AKT1: variants seen among roughly 807,000 people sequenced by gnomAD.
The protein encoded by AKT1 is RAC-alpha serine/threonine-protein kinase.
A neutral mutation model predicts 63.1 loss-of-function variants in AKT1; 21 were observed. That is an observed-to-expected ratio of 0.33 (90% CI 0.24 to 0.48). AKT1 has a LOEUF of 0.48. Ranked by LOEUF, AKT1 falls within the 20% of genes least tolerant of loss-of-function variation. AKT1 has a pLI of 0.99. For synonymous variants in AKT1, 257 were observed against 253.1 expected, an observed-to-expected ratio of 1.02 and a Z score of -0.15; for missense variants, 382 against 666.0, an observed-to-expected ratio of 0.57 and a Z score of 4.69.
chr14:104,775,441 C>A (rs1892646884), intron 6 of AKT1: 1 of 1,073,744 alleles, frequency 9.3e-7, no homozygotes, highest in Non-Finnish European at 1.3e-6. Flanking sequence ...ATTGCCCAAG[C>A]CTGGCAGGGC....
At chr14:104,788,844 G>C (rs1893473522) in intron 3 of AKT1, among the ~76,000 whole-genome samples, 1 of 152,180 alleles carries the variant, frequency 6.6e-6, no homozygotes, top group South Asian at 2.1e-4. Context: ...CCTGGACTGG[G>C]GGGTCTATGC....
At chr14:104,783,396 G>T (rs1893168892) in intron 3 of AKT1, among the ~76,000 whole-genome samples, 1 of 152,198 alleles carries the variant, frequency 6.6e-6, no homozygotes, top group South Asian at 2.1e-4. Flanking sequence ...TGGGGGAACT[G>T]GAACCAGGCA....
chr14:104,776,797 C>T (rs754851924), intron 4 of AKT1, 27 bp from the exon 5 acceptor site: 45 of 1,598,380 alleles, frequency 2.8e-5, no homozygotes, highest in South Asian at 6.6e-5. Flanking sequence ...CCTCTGTCTG[C>T]GTGCATCCCC....
intron 3 of AKT1, among the ~76,000 whole-genome samples, chr14:104,789,949 A>C (rs1454218873): frequency 6.6e-6 from 1 of 152,196 alleles, no homozygotes; most frequent in Admixed American, 6.5e-5. Context: ...GACTCAGAGC[A>C]CACACATCAG....
At chr14:104,791,103 G>A (rs1893605344) in intron 3 of AKT1, among the ~76,000 whole-genome samples, 1 of 152,136 alleles carries the variant, frequency 6.6e-6, no homozygotes, top group South Asian at 2.1e-4. Flanking sequence ...CCAGTAACTG[G>A]GGCCTGGGCC....
chr14:104,773,698 G>C (rs561463952), intron 9 of AKT1, 118 bp from the exon 10 acceptor site: 1 of 1,431,328 alleles, frequency 7.0e-7, no homozygotes, highest in South Asian at 1.4e-5. Flanking sequence ...CCAGCCACCA[G>C]AGGGCACGGG....
rs2140931148 is a variant in AKT1 at position 104,776,762 on chromosome 14, G to C, written c.184C>G (p.Leu62Val). 1 of 1,612,832 alleles carries C rather than the reference G, an allele frequency of 6.2e-7. No individual in the cohort carries two copies. The highest frequency in any genetic ancestry group is 8.5e-7 in the Non-Finnish European group (1 of 1,179,734). ...LNNFSVAQCQ[L>V]MKTERPRPNT... ...GGCCGGGGCCGCTCCGTCTTCATCA[G>C]CTGGCACTCTGCGGGCAGGCAGAGC... Residue 62 changes from leucine (L) to valine (V), a missense_variant, in exon 5 of 15, where the codon CTG becomes GTG. Leu to Val is a conservative substitution (Grantham distance 32). This residue lies in a region of AKT1 where 226 missense variants were observed against 366.4 expected (regional missense o/e 0.62). Transcript: ENST00000649815.
chr14:104,775,870 C>A, intron 5 of AKT1, 71 bp from the exon 6 acceptor site: 1 of 1,543,370 alleles, frequency 6.5e-7, no homozygotes, highest in Non-Finnish European at 8.7e-7. Context: ...TTCACCCACC[C>A]GCCAGCCTCA....
At chr14:104,774,781 G>T in intron 8 of AKT1, 157 bp downstream of exon 8, 3 of 820,472 alleles carry the variant, frequency 3.7e-6, no homozygotes, top group Non-Finnish European at 5.6e-6. Flanking sequence ...CACCTCCACA[G>T]CCTGACCCTC....
rs760365810 is a variant in AKT1 at position 104,772,360 on chromosome 14, C to T, written c.1260+5G>A. ...TGCGCGTGAATATGCGGGGAGCAGC[C>T]GCACCTTCTTCTCGTACACGTGCTG... On this transcript the variant is annotated splice_donor_5th_base_variant and intron_variant, in intron 13 of 14. Coordinates refer to ENST00000649815, the MANE Select transcript of AKT1 (RefSeq NM_001382430.1). 66 of 1,613,592 alleles carry T rather than the reference C, an allele frequency of 4.1e-5. No homozygotes were observed. The highest frequency in any genetic ancestry group is 3.6e-4 in the South Asian group (33 of 91,076).
Position 104,770,075 on chromosome 14 carries a change from G to C in AKT1, c.*266C>G. On this transcript the variant is annotated 3_prime_UTR_variant, in exon 15 of 15. Transcript: ENST00000649815. ...AGAAGTCCTTAACATTTCCCTACGTGAATCGGATTGTTCTGAGGGCTGAGG... is the reference window on the plus strand; with the variant it reads ...AGAAGTCCTTAACATTTCCCTACGTCAATCGGATTGTTCTGAGGGCTGAGG... 1.8e-6 allele frequency: 1 copy of C among 554,944 alleles called. No homozygotes were observed. Among genetic ancestry groups the C allele is most frequent in the Non-Finnish European group, 3.2e-6 (1 of 308,046 alleles). The allele number at this position is 554,944 out of a possible 1,614,324, so 34.4% of individuals were successfully genotyped here. A position where few individuals can be genotyped will look rare whatever the true frequency, so the allele number is the denominator to read the frequency against.
intron 9 of AKT1, 32 bp downstream of exon 9, chr14:104,773,880 C>T (rs928553593): frequency 4.4e-6 from 7 of 1,579,758 alleles, no homozygotes; most frequent in South Asian, 3.4e-5. Context: ...CCACAGGCCG[C>T]GAAGTCCATC....
intron 3 of AKT1, among the ~76,000 whole-genome samples, chr14:104,780,841 C>A (rs935332928): frequency 2.0e-5 from 3 of 152,254 alleles, no homozygotes; most frequent in Non-Finnish European, 4.4e-5. Context: ...ATCGCACTCC[C>A]TGTCTAGGGG....
chr14:104,787,398 G>T (rs1893390317), intron 3 of AKT1, among the ~76,000 whole-genome samples: 1 of 152,138 alleles, frequency 6.6e-6, no homozygotes, highest in African/African-American at 2.4e-5. Context: ...GGTCCAAGCA[G>T]ACAGAAGCAG....
chr14:104,790,095 C>T (rs775704220), intron 3 of AKT1, among the ~76,000 whole-genome samples: 24 of 152,252 alleles, frequency 1.6e-4, no homozygotes, highest in Admixed American at 6.5e-5. Context: ...TCAATGACCA[C>T]ATCACCCCTG....
chr14:104,773,816 G>A (rs1341309986), intron 9 of AKT1, 96 bp downstream of exon 9: 4 of 1,350,788 alleles, frequency 3.0e-6, no homozygotes, highest in Non-Finnish European at 4.1e-6. Context: ...GCACCGTCTG[G>A]TGCCATGGAG....
chr14:104,777,057 G>A (rs1892758246), intron 4 of AKT1: 2 of 387,968 alleles, frequency 5.2e-6, no homozygotes, highest in Non-Finnish European at 9.6e-6. Context: ...CCTTCCTTCA[G>A]TCTCTGAGCC....
At chr14:104,775,363 A>T (rs960387836) in intron 6 of AKT1, 156 bp from the exon 7 acceptor site, 1 of 1,364,048 alleles carries the variant, frequency 7.3e-7, no homozygotes, top group African/African-American at 1.5e-5. Context: ...CGGGGAGTCC[A>T]GGCTTACAGG....
chr14:104,787,516 C>T (rs761823673), intron 3 of AKT1, among the ~76,000 whole-genome samples: 1 of 152,246 alleles, frequency 6.6e-6, no homozygotes, highest in Non-Finnish European at 1.5e-5. Flanking sequence ...GGCCCCAAGC[C>T]GGGCCGGGTG....
Sources: allele counts gnomAD v4.1 joint callset (sites outside exome capture counted in the v4.1 genomes callset), GRCh38; gene constraint gnomAD v4.1.1; regional missense constraint gnomAD v4.1.1; transcripts MANE v1.5; gene names NCBI Gene and HGNC (gene_info 2026-07-23, HGNC 2026-07-21).